The following DAPK2 variants were observed in gnomAD, a reference collection of about 807,000 sequenced individuals.
The protein encoded by DAPK2 is death-associated protein kinase 2.
Under a neutral mutation model 44.1 loss-of-function variants are expected in DAPK2, and 35 were observed. That is an observed-to-expected ratio of 0.79 (90% CI 0.61 to 1.05). The LOEUF is 1.05. DAPK2 is among the 50% of genes least tolerant of loss of function. The pLI, the probability that DAPK2 is intolerant of heterozygous loss-of-function variation, is 0.00. For synonymous variants in DAPK2, 174 were observed against 182.6 expected (o/e 0.95, Z 0.38); for missense variants, 453 against 483.2 (o/e 0.94, Z 0.59).
At chr15:63,943,875 C>A (rs1037574061) in intron 3 of DAPK2, among the ~76,000 whole-genome samples, 1 of 151,150 alleles carries the variant, frequency 6.6e-6, no homozygotes, top group African/African-American at 2.4e-5. Context: ...GACTCTGTCT[C>A]AAAAAAAACA....
intron 2 of DAPK2, among the ~76,000 whole-genome samples, chr15:63,975,325 T>C (rs2078313786): frequency 1.3e-5 from 2 of 152,198 alleles, no homozygotes; most frequent in South Asian, 4.1e-4. Flanking sequence ...TTAAAACCTG[T>C]ATTTTTACTC....
At chr15:63,975,556 T>C (rs2078320832) in intron 2 of DAPK2, among the ~76,000 whole-genome samples, 2 of 151,706 alleles carry the variant, frequency 1.3e-5, no homozygotes, top group Middle Eastern at 6.9e-3. Context: ...GCAGAACAGC[T>C]CTCAACCACT....
chr15:64,037,409 C>A (rs1021533036), intron 1 of DAPK2, among the ~76,000 whole-genome samples: 1 of 152,228 alleles, frequency 6.6e-6, no homozygotes, highest in Non-Finnish European at 1.5e-5. Context: ...AATTACATCC[C>A]CATGCCCCAT....
At chr15:63,997,487 T>A (rs898315996) in intron 1 of DAPK2, among the ~76,000 whole-genome samples, 3 of 152,192 alleles carry the variant, frequency 2.0e-5, no homozygotes, top group African/African-American at 7.2e-5. Context: ...CCCGCCACCA[T>A]GCCTAACTAA....
intron 1 of DAPK2, among the ~76,000 whole-genome samples, chr15:64,005,363 G>C (rs991443721): frequency 6.6e-6 from 1 of 150,974 alleles, no homozygotes; most frequent in South Asian, 2.1e-4. Flanking sequence ...GGTTTGGTAA[G>C]TTCAGCCACC....
At chr15:63,910,451 C>A (rs1443341275) in intron 10 of DAPK2, among the ~76,000 whole-genome samples, 1 of 152,248 alleles carries the variant, frequency 6.6e-6, no homozygotes, top group African/African-American at 2.4e-5. Context: ...CACCCTACAC[C>A]ACGCTCCATA....
At chr15:63,927,592 A>G (rs2079333339) in intron 6 of DAPK2, among the ~76,000 whole-genome samples, 1 of 152,188 alleles carries the variant, frequency 6.6e-6, no homozygotes, top group East Asian at 1.9e-4. Flanking sequence ...TGTCTCCCAC[A>G]GACAGGGAGC....
chr15:63,979,065 C>A (rs2078432370), intron 2 of DAPK2, among the ~76,000 whole-genome samples: 1 of 152,224 alleles, frequency 6.6e-6, no homozygotes, highest in South Asian at 2.1e-4. Context: ...CTCTGGTATG[C>A]AACCACCACG....
intron 1 of DAPK2, among the ~76,000 whole-genome samples, chr15:63,996,975 G>T (rs1035245601): frequency 6.6e-6 from 1 of 152,010 alleles, no homozygotes. Flanking sequence ...CTGCCCACAA[G>T]CCTGGAGGGC....
intron 4 of DAPK2, among the ~76,000 whole-genome samples, chr15:63,934,575 T>TTTGAGACAGACTCTCACTG (rs2077083883): frequency 6.6e-6 from 1 of 151,938 alleles, no homozygotes; most frequent in Admixed American, 6.6e-5. Context: ...TGTTTTGTGT[T>TTTGAGACAGACTCTCACTG]TTGAGACAGA....
intron 3 of DAPK2, among the ~76,000 whole-genome samples, chr15:63,962,954 G>A (rs2077953329): frequency 6.6e-6 from 1 of 152,244 alleles, no homozygotes; most frequent in African/African-American, 2.4e-5. Context: ...CAGAGGTGGA[G>A]TCTACAGAGG....
At chr15:63,978,399 C>T (rs2078413621) in intron 2 of DAPK2, among the ~76,000 whole-genome samples, 2 of 152,206 alleles carry the variant, frequency 1.3e-5, no homozygotes, top group Admixed American at 6.5e-5. Context: ...GCTTAGCATT[C>T]CCAAAAGCCA....
Position 63,990,066 on chromosome 15 carries a change from A to C in DAPK2, c.93-6312T>G, listed in dbSNP as rs1595862346. 6.6e-6 allele frequency among the ~76,000 whole-genome samples: 1 copy of C among 151,978 alleles called. No homozygotes were observed. Among genetic ancestry groups the C allele is most frequent in the Non-Finnish European group, 1.5e-5 (1 of 68,016 alleles). On this transcript the variant is annotated intron_variant, in intron 1 of 10. Coordinates refer to ENST00000261891, the Ensembl canonical transcript of DAPK2. This position sits in a 1 kb window ranked among gnomAD's most constrained non-coding sequence, Gnocchi z 4.3. Reference sequence around the variant, plus strand: ...ATCAAGGTAGACCACTCGCACTGCCACCCACCCTCACCCTCTGTGGTAAGC... The same window carrying C: ...ATCAAGGTAGACCACTCGCACTGCCCCCCACCCTCACCCTCTGTGGTAAGC...
chr15:63,964,706 C>T (rs1271686401), intron 3 of DAPK2, among the ~76,000 whole-genome samples: 1 of 151,898 alleles, frequency 6.6e-6, no homozygotes, highest in Non-Finnish European at 1.5e-5. Flanking sequence ...CTTTCTTCTG[C>T]TTGATCAATT....
intron 4 of DAPK2, among the ~76,000 whole-genome samples, chr15:63,933,082 G>A (rs1029145913): frequency 3.3e-5 from 5 of 152,126 alleles, no homozygotes; most frequent in African/African-American, 1.2e-4. Flanking sequence ...CTTTAGGTCA[G>A]TGATAATTCA....
At chr15:63,999,007 G>A (rs925728414) in intron 1 of DAPK2, among the ~76,000 whole-genome samples, 1 of 152,040 alleles carries the variant, frequency 6.6e-6, no homozygotes, top group Non-Finnish European at 1.5e-5. Flanking sequence ...GCTCTTGGAG[G>A]GCAGGGCTGT....
At chr15:63,974,132 CA>C (rs771333042) in intron 2 of DAPK2, among the ~76,000 whole-genome samples, 1 of 151,720 alleles carries the variant, frequency 6.6e-6, no homozygotes, top group Non-Finnish European at 1.5e-5. Context: ...TGTGACAGAG[CA>C]AAAAAAATCT....
chr15:64,029,249 T>C (rs1305745537), intron 1 of DAPK2, among the ~76,000 whole-genome samples: 1 of 152,002 alleles, frequency 6.6e-6, no homozygotes, highest in Non-Finnish European at 1.5e-5. Flanking sequence ...GCGTGTGCAA[T>C]GCGGCCACTT....
intron 3 of DAPK2, among the ~76,000 whole-genome samples, chr15:63,965,940 T>C (rs1486577417): frequency 6.6e-6 from 1 of 152,236 alleles, no homozygotes; most frequent in Non-Finnish European, 1.5e-5. Context: ...CACTTGGTTC[T>C]CTACCCCACT....
Sources: allele counts gnomAD v4.1 joint callset (sites outside exome capture counted in the v4.1 genomes callset), GRCh38; gene constraint gnomAD v4.1.1; non-coding constraint Gnocchi (gnomAD v3.1); transcripts MANE v1.5; gene names NCBI Gene and HGNC (gene_info 2026-07-23, HGNC 2026-07-21).